THTPA: variants seen among roughly 807,000 people sequenced by gnomAD.
The protein encoded by THTPA is thiamine-triphosphatase.
Under a neutral mutation model 16.5 loss-of-function variants are expected in THTPA, and 16 were observed. That is an observed-to-expected ratio of 0.97 (90% CI 0.66 to 1.47). The LOEUF (loss-of-function observed/expected upper bound fraction) is 1.47. THTPA is among the 40% of genes most tolerant of loss of function. The pLI is 0.00. For synonymous variants in THTPA, 110 were observed against 115.5 expected, an observed-to-expected ratio of 0.95 and a Z score of 0.30; for missense variants, 281 against 280.9, an observed-to-expected ratio of 1.00 and a Z score of 0.00.
chr14:23,531,593 A>G, the THTPA span: 1 of 1,527,014 alleles, frequency 6.5e-7, no homozygotes, highest in Non-Finnish European at 8.8e-7. Context: ...GGGCCTGGGC[A>G]TCGCGGTGGG....
At chr14:23,516,226 A>G in the THTPA span, among the ~76,000 whole-genome samples, 1 of 152,228 alleles carries the variant, frequency 6.6e-6, no homozygotes, top group South Asian at 2.1e-4. Context: ...CCAAGTGGAC[A>G]CTTGAAACGT....
chr14:23,529,655 A>G, the THTPA span: 8 of 1,453,482 alleles, frequency 5.5e-6, no homozygotes, highest in South Asian at 9.7e-5. Context: ...ATATGAGCAG[A>G]TCTCAGTAAA....
the THTPA span, among the ~76,000 whole-genome samples, chr14:23,547,466 T>C: frequency 6.6e-6 from 1 of 152,224 alleles, no homozygotes; most frequent in Non-Finnish European, 1.5e-5. Flanking sequence ...CTCTCAACCT[T>C]TTCTGGAAAC....
chr14:23,535,680 C>T, the THTPA span, among the ~76,000 whole-genome samples: 1 of 152,056 alleles, frequency 6.6e-6, no homozygotes, highest in East Asian at 1.9e-4. This position sits in a 1 kb window ranked among gnomAD's most constrained non-coding sequence, Gnocchi z 4.5. Flanking sequence ...GCAACCTCCA[C>T]CTCCTGGGTT....
upstream of THTPA, among the ~76,000 whole-genome samples, chr14:23,554,143 T>A (rs944491953): frequency 5.3e-5 from 8 of 151,802 alleles, no homozygotes; most frequent in African/African-American, 1.7e-4. Flanking sequence ...ACCTCAGGTC[T>A]GGCTCCGGAA....
the THTPA span, among the ~76,000 whole-genome samples, chr14:23,549,702 C>T: frequency 6.6e-6 from 1 of 152,124 alleles, no homozygotes; most frequent in Non-Finnish European, 1.5e-5. Context: ...TGTCCCCTTA[C>T]AAAATCAAAG....
At chr14:23,548,829 C>CT in the THTPA span, among the ~76,000 whole-genome samples, 1 of 152,294 alleles carries the variant, frequency 6.6e-6, no homozygotes, top group East Asian at 1.9e-4. Context: ...TTGTGCTATG[C>CT]TTTTTTTCCA....
At chr14:23,541,343 C>A in the THTPA span, among the ~76,000 whole-genome samples, 4 of 147,356 alleles carry the variant, frequency 2.7e-5, no homozygotes, top group Non-Finnish European at 5.9e-5. Flanking sequence ...GGCTGGAGTA[C>A]AATGGTGCGA....
At chr14:23,525,028 C>G in the THTPA span, 74 of 1,536,210 alleles carry the variant, frequency 4.8e-5, no homozygotes, top group East Asian at 1.7e-3. The surrounding 1 kb of genome is among the most constrained non-coding windows in gnomAD (Gnocchi z 5.9). Flanking sequence ...ACACCACCAC[C>G]ACACGGCTAG....
At chr14:23,550,383 A>T in the THTPA span, among the ~76,000 whole-genome samples, 2 of 152,390 alleles carry the variant, frequency 1.3e-5, no homozygotes, top group South Asian at 4.1e-4. Context: ...ATATCCAGAC[A>T]GACTCTGAAG....
At chr14:23,535,023 TTCC>T in the THTPA span, 2 of 1,536,160 alleles carry the variant, frequency 1.3e-6, no homozygotes, top group Non-Finnish European at 8.7e-7. This position sits in a 1 kb window ranked among gnomAD's most constrained non-coding sequence, Gnocchi z 4.5. Context: ...GCCCTTCTTC[TTCC>T]TCCTCCTGCT....
intron 1 of THTPA, among the ~76,000 whole-genome samples, chr14:23,558,293 G>A (rs971522742): frequency 6.6e-6 from 1 of 152,230 alleles, no homozygotes; most frequent in Non-Finnish European, 1.5e-5. Flanking sequence ...GTTTCTATGT[G>A]TACATCTCTG....
At chr14:23,558,385 A>G (rs1159358220) in intron 1 of THTPA, among the ~76,000 whole-genome samples, 2 of 152,234 alleles carry the variant, frequency 1.3e-5, no homozygotes, top group Non-Finnish European at 2.9e-5. Flanking sequence ...AATAACTGAA[A>G]TGAGCTGACG....
chr14:23,536,812 T>C, the THTPA span, among the ~76,000 whole-genome samples: 1 of 152,074 alleles, frequency 6.6e-6, no homozygotes, highest in South Asian at 2.1e-4. Context: ...TTGGACACAA[T>C]ACAGGTAAAA....
upstream of THTPA, among the ~76,000 whole-genome samples, chr14:23,555,219 G>A (rs1595209281): frequency 6.6e-6 from 1 of 152,154 alleles, no homozygotes; most frequent in Admixed American, 6.5e-5. Context: ...GGCTGGTCTC[G>A]AACTCCTGAC....
At chr14:23,539,052 G>A in the THTPA span, among the ~76,000 whole-genome samples, 1 of 152,170 alleles carries the variant, frequency 6.6e-6, no homozygotes, top group Non-Finnish European at 1.5e-5. Flanking sequence ...CATCCCCTGA[G>A]ATGAATCTTG....
At position 23,558,985 on chromosome 14, in the gene THTPA, A is replaced by G; in HGVS notation, c.*145A>G. On this transcript the variant is annotated 3_prime_UTR_variant, in exon 2 of 2. Transcript: ENST00000288014. ...CTGTTTCTTCCCCCTCCTCTAAGCTACTCTTCCTTGAGCCCTCCCTGGCTG... is the reference window on the plus strand; with the variant it reads ...CTGTTTCTTCCCCCTCCTCTAAGCTGCTCTTCCTTGAGCCCTCCCTGGCTG... 2.0e-6 allele frequency: 2 copies of G among 1,006,176 alleles called. No individual in the cohort carries two copies. The highest frequency in any genetic ancestry group is 1.7e-5 in the South Asian group (1 of 58,600). The allele number at this position is 1,006,176 out of a possible 1,614,324, so 62.3% of individuals were successfully genotyped here.
chr14:23,521,318 GT>G, the THTPA span: 3 of 152,540 alleles, frequency 2.0e-5, no homozygotes, highest in Admixed American at 1.3e-4. Context: ...CTCCAGTTTG[GT>G]TAGAGTTTTG....
At chr14:23,512,228 AGCAGAGGTT>A in the THTPA span, among the ~76,000 whole-genome samples, 2 of 152,138 alleles carry the variant, frequency 1.3e-5, no homozygotes, top group Non-Finnish European at 1.5e-5. Context: ...AGGGAGAAAT[AGCAGAGGTT>A]GCAGAAGGCA....
Sources: allele counts gnomAD v4.1 joint callset (sites outside exome capture counted in the v4.1 genomes callset), GRCh38; gene constraint gnomAD v4.1.1; non-coding constraint Gnocchi (gnomAD v3.1); transcripts MANE v1.5; gene names NCBI Gene and HGNC (gene_info 2026-07-23, HGNC 2026-07-21).